CSMD1: variants seen among roughly 807,000 people sequenced by gnomAD.
CSMD1 encodes the protein CUB and sushi domain-containing protein 1.
CSMD1 carries 213 observed loss-of-function variants against 417.5 expected under a neutral mutation model. That is an observed-to-expected ratio of 0.51 (90% CI 0.46 to 0.57). CSMD1 has a LOEUF of 0.57. Among genes scored for constraint, CSMD1 ranks in the 20% least tolerant of loss-of-function variants. CSMD1 has a pLI of 0.00. For missense variants in CSMD1, 6,923 were observed against 4,529.7 expected (o/e 1.53, Z -15.17); for synonymous variants, 2,862 against 1,736.8 (o/e 1.65, Z -16.11).
intron 25 of CSMD1, among the ~76,000 whole-genome samples, chr8:3,293,628 A>T (rs1353198177): frequency 6.6e-6 from 1 of 152,104 alleles, no homozygotes; most frequent in East Asian, 1.9e-4. Context: ...TTGGCTACTG[A>T]GGCTTGTGCA....
chr8:2,959,558 A>AT (rs139682418), intron 62 of CSMD1, among the ~76,000 whole-genome samples: 78 of 150,452 alleles, frequency 5.2e-4, no homozygotes, highest in African/African-American at 1.5e-3. Context: ...CTTCTCAATA[A>AT]TTTTTTTTTT....
intron 57 of CSMD1, among the ~76,000 whole-genome samples, chr8:2,969,493 G>GA (rs1804250672): frequency 6.6e-6 from 1 of 152,130 alleles, no homozygotes; most frequent in Non-Finnish European, 1.5e-5. Context: ...TCTTTGAGTT[G>GA]AAGAATTTAA....
chr8:4,491,310 G>A (rs947472314), intron 2 of CSMD1, among the ~76,000 whole-genome samples: 1 of 152,168 alleles, frequency 6.6e-6, no homozygotes, highest in African/African-American at 2.4e-5. Context: ...GCCAAGGAGT[G>A]CAGCCTTATC....
intron 1 of CSMD1, among the ~76,000 whole-genome samples, chr8:4,676,460 T>C (rs1220689970): frequency 6.6e-6 from 1 of 152,158 alleles, no homozygotes; most frequent in Non-Finnish European, 1.5e-5. Flanking sequence ...TTCATTCCTA[T>C]CTTCAACTCT....
intron 39 of CSMD1, among the ~76,000 whole-genome samples, chr8:3,152,557 T>C (rs1229243515): frequency 6.6e-6 from 1 of 152,202 alleles, no homozygotes; most frequent in Non-Finnish European, 1.5e-5. Flanking sequence ...TATTTGTAAT[T>C]TGAGAAATAG....
At chr8:4,253,185 C>G (rs570783078) in intron 3 of CSMD1, among the ~76,000 whole-genome samples, 2 of 152,268 alleles carry the variant, frequency 1.3e-5, no homozygotes, top group South Asian at 2.1e-4. Flanking sequence ...CTGGTCTATT[C>G]TCCTCTTCTA....
At chr8:4,404,726 T>C (rs1804889512) in intron 3 of CSMD1, among the ~76,000 whole-genome samples, 1 of 152,088 alleles carries the variant, frequency 6.6e-6, no homozygotes, top group African/African-American at 2.4e-5. Flanking sequence ...TATTTTCCTA[T>C]TTATGTTTAA....
At chr8:4,738,292 T>G (rs7826378) in intron 1 of CSMD1, among the ~76,000 whole-genome samples, 62,667 of 152,118 alleles carry the variant, frequency 0.41, 14,417 homozygotes, top group East Asian at 0.56. Flanking sequence ...GAGAATGGGT[T>G]ATTTACAGAG....
chr8:4,185,613 T>C (rs142735609), intron 3 of CSMD1, among the ~76,000 whole-genome samples: 18 of 152,302 alleles, frequency 1.2e-4, no homozygotes, highest in African/African-American at 3.1e-4. Context: ...ATTTATGAAA[T>C]TGCACGTTAT....
intron 3 of CSMD1, among the ~76,000 whole-genome samples, chr8:4,040,505 T>G (rs558652229): frequency 1.3e-5 from 2 of 152,204 alleles, no homozygotes; most frequent in Non-Finnish European, 2.9e-5. Flanking sequence ...AACTCTTTCA[T>G]ATGAAAATGT....
intron 5 of CSMD1, among the ~76,000 whole-genome samples, chr8:3,955,050 G>C (rs1343082390): frequency 6.6e-6 from 1 of 152,194 alleles, no homozygotes; most frequent in African/African-American, 2.4e-5. Context: ...TTTTCAAAGA[G>C]GCAATGCGAT....
At chr8:4,322,380 C>G (rs17413742) in intron 3 of CSMD1, among the ~76,000 whole-genome samples, 58,308 of 152,008 alleles carry the variant, frequency 0.38, 12,848 homozygotes, top group East Asian at 0.66. Context: ...AGAATTCCCC[C>G]AGTTGGCAAA....
chr8:4,092,845 G>T (rs528271047), intron 3 of CSMD1, among the ~76,000 whole-genome samples: 1 of 151,950 alleles, frequency 6.6e-6, no homozygotes, highest in Non-Finnish European at 1.5e-5. Context: ...CACTTTGCTG[G>T]TTGAATAATC....
chr8:4,241,137 G>A (rs920157225), intron 3 of CSMD1, among the ~76,000 whole-genome samples: 1 of 152,050 alleles, frequency 6.6e-6, no homozygotes, highest in East Asian at 1.9e-4. Context: ...TAGCTTCACT[G>A]ATGGCCCTAC....
chr8:4,689,974 A>T lies in CSMD1; in HGVS notation c.86-52416T>A, dbSNP rs536306640. Among the ~76,000 whole-genome samples the T allele has an allele frequency of 3.3e-5, 5 of 152,322 alleles. No individual in the cohort carries two copies. In the South Asian group the frequency reaches 8.3e-4, roughly 25 times the overall value. ...GGAAGTGGGCTGTATTACTGCCGTAAGCGTAGTGCTAAAGAATCGTAATTT... is the reference window on the plus strand; with the variant it reads ...GGAAGTGGGCTGTATTACTGCCGTATGCGTAGTGCTAAAGAATCGTAATTT... On this transcript the variant is annotated intron_variant, in intron 1 of 69. Coordinates refer to ENST00000635120, the MANE Select transcript of CSMD1 (RefSeq NM_033225.6).
intron 49 of CSMD1, among the ~76,000 whole-genome samples, chr8:3,067,705 C>T (rs1198155525): frequency 6.6e-5 from 10 of 150,932 alleles, no homozygotes; most frequent in Non-Finnish European, 1.5e-4. Context: ...ATGAAATATA[C>T]AATAAACGAG....
intron 5 of CSMD1, among the ~76,000 whole-genome samples, chr8:3,798,602 T>C (rs1292663897): frequency 5.3e-5 from 8 of 152,106 alleles, no homozygotes; most frequent in African/African-American, 1.7e-4. Context: ...AATAAAATAT[T>C]AACTTTGCTT....
intron 1 of CSMD1, among the ~76,000 whole-genome samples, chr8:4,818,959 A>C: frequency 6.6e-6 from 1 of 152,122 alleles, no homozygotes; most frequent in African/African-American, 2.4e-5. Context: ...TTATATTAAA[A>C]CTGTGACTTG....
chr8:3,691,460 C>T lies in CSMD1; in HGVS notation c.1009+16954G>A, dbSNP rs190803265. The stretch of plus-strand genomic sequence containing the variant: ...GAAGATTGGCGCTTCCTTTATGCAA[C>T]ACAGTCTGTAATTTCTATTTCAATG... On this transcript the variant is annotated intron_variant, in intron 7 of 69. Transcript: ENST00000635120. Among the ~76,000 whole-genome samples, 126 of 152,246 alleles carry T rather than the reference C, an allele frequency of 8.3e-4. 3 individuals carry two copies. Among genetic ancestry groups the T allele is most frequent in the African/African-American group, 2.9e-3 (120 of 41,556 alleles).
Sources: allele counts gnomAD v4.1 joint callset (sites outside exome capture counted in the v4.1 genomes callset), GRCh38; gene constraint gnomAD v4.1.1; transcripts MANE v1.5; gene names NCBI Gene and HGNC (gene_info 2026-07-23, HGNC 2026-07-21).